MAST2: variants seen among roughly 807,000 people sequenced by gnomAD.
The protein encoded by MAST2 is microtubule-associated serine/threonine-protein kinase 2.
In MAST2, 70 loss-of-function variants were observed where a neutral mutation model predicts 147.4. That is an observed-to-expected ratio of 0.47 (90% CI 0.39 to 0.58). The LOEUF is 0.58. MAST2 is among the 20% of genes least tolerant of loss of function. MAST2 has a pLI of 0.00. For synonymous variants in MAST2, 869 were observed against 896.8 expected (o/e 0.97, Z 0.55); for missense variants, 2,080 against 2,302.3 (o/e 0.90, Z 1.98).
In MAST2 at chr1:46,001,014, A is replaced by G. The variant is rs767754609; in HGVS notation, c.669-1791A>G. ...GGTATAATGGGGAGAGGGGCTGGGA[A>G]ACTGCTATGCATGGCCAGACAATAT... is the stretch of plus-strand genomic sequence containing the variant. On this transcript the variant is annotated intron_variant, in intron 6 of 28. Coordinates refer to ENST00000361297, the MANE Select transcript of MAST2 (RefSeq NM_015112.3). 20 of 1,284,568 alleles carry G rather than the reference A, an allele frequency of 1.6e-5. No homozygotes were observed. In the South Asian group the frequency reaches 2.3e-4, roughly 15 times the overall value. 79.6% of individuals were successfully genotyped at this position (1,284,568 alleles called of 1,614,324 possible). A position where few individuals can be genotyped will look rare whatever the true frequency, so the allele number is the denominator to read the frequency against.
At chr1:45,956,279 TC>T (rs1271996860) in intron 4 of MAST2, among the ~76,000 whole-genome samples, 3 of 152,172 alleles carry the variant, frequency 2.0e-5, no homozygotes, top group African/African-American at 7.2e-5. Flanking sequence ...TGTCAACACT[TC>T]AAACCTGCCA....
intron 3 of MAST2, among the ~76,000 whole-genome samples, chr1:45,852,244 A>C (rs1645645278): frequency 6.6e-6 from 1 of 152,224 alleles, no homozygotes; most frequent in African/African-American, 2.4e-5. Context: ...ATCAACATAC[A>C]GAACCGTACT....
At chr1:45,824,660 C>A in intron 2 of MAST2, 80 bp downstream of exon 2, 1 of 1,400,146 alleles carries the variant, frequency 7.1e-7, no homozygotes, top group Non-Finnish European at 9.6e-7. Context: ...GAATTGGCAT[C>A]TTGACAGTTT....
intron 3 of MAST2, among the ~76,000 whole-genome samples, chr1:45,881,510 G>C (rs1221260629): frequency 6.6e-6 from 1 of 152,174 alleles, no homozygotes. Flanking sequence ...AGGACTGGTG[G>C]GAGGTGGGAC....
chr1:45,849,102 AAC>A (rs956723302), intron 3 of MAST2, among the ~76,000 whole-genome samples: 36 of 152,364 alleles, frequency 2.4e-4, no homozygotes, highest in African/African-American at 8.2e-4. Context: ...CAAATGAAAA[AAC>A]ACACCATGCT....
chr1:45,811,553 A>G (rs1045507631), intron 1 of MAST2, among the ~76,000 whole-genome samples: 4 of 147,226 alleles, frequency 2.7e-5, no homozygotes, highest in African/African-American at 1.0e-4. Context: ...GTTAGTCAGG[A>G]TGGTCTCGAT....
At chr1:45,942,937 A>G (rs1217532240) in intron 4 of MAST2, among the ~76,000 whole-genome samples, 1 of 152,198 alleles carries the variant, frequency 6.6e-6, no homozygotes, top group Non-Finnish European at 1.5e-5. Flanking sequence ...TTAGGATAAC[A>G]TTTCCTGGTC....
chr1:46,002,742 A>T, intron 6 of MAST2, 63 bp from the exon 7 acceptor site: 1 of 1,438,904 alleles, frequency 6.9e-7, no homozygotes, highest in South Asian at 1.1e-5. Flanking sequence ...ATGAACAGAC[A>T]GGCAGGTTGT....
At position 46,031,493 on chromosome 1, in the gene MAST2, C is replaced by T. The variant is rs1205798500; in HGVS notation, c.3095C>T (p.Ser1032Phe). ...AVRRARHRLL[S>F]GDSTEKRTAR... Reference sequence around the variant, plus strand: ...CGTAGGGCCCGCCACCGGCTGCTCTCTGGGGACTCAACAGAGAAGCGCACT... The same window carrying T: ...CGTAGGGCCCGCCACCGGCTGCTCTTTGGGGACTCAACAGAGAAGCGCACT... Residue 1032 changes from serine (S) to phenylalanine (F), a missense_variant, in exon 24 of 29, where the codon TCT becomes TTT. Around this residue, in one of 4 missense-constraint regions of MAST2, gnomAD observed 1,278 missense variants for 1,304.2 expected, o/e 0.98. Coordinates refer to ENST00000361297, the MANE Select transcript of MAST2 (RefSeq NM_015112.3). The surrounding 1 kb of genome is among the most constrained non-coding windows in gnomAD (Gnocchi z 4.1). The T allele has an allele frequency of 1.2e-6, 2 of 1,614,068 alleles. No individual in the cohort carries two copies. The highest frequency in any genetic ancestry group is 1.7e-5 in the Admixed American group (1 of 60,016).
intron 7 of MAST2, among the ~76,000 whole-genome samples, chr1:46,005,169 C>G (rs1645435032): frequency 6.6e-6 from 1 of 152,190 alleles, no homozygotes; most frequent in Admixed American, 6.5e-5. Flanking sequence ...TCCAGACCAG[C>G]CTGACCAACG....
chr1:45,932,377 C>T (rs1570782160), intron 4 of MAST2, among the ~76,000 whole-genome samples: 1 of 152,170 alleles, frequency 6.6e-6, no homozygotes, highest in Non-Finnish European at 1.5e-5. Flanking sequence ...CTTTATTATA[C>T]TGTATAAATT....
intron 4 of MAST2, among the ~76,000 whole-genome samples, chr1:45,884,229 T>G (rs574902264): frequency 2.9e-4 from 44 of 152,108 alleles, no homozygotes; most frequent in African/African-American, 1.1e-3. Context: ...ATTTAAACAA[T>G]TGATCACTCA....
chr1:45,838,522 C>G (rs1028299179), intron 3 of MAST2, among the ~76,000 whole-genome samples: 10 of 152,042 alleles, frequency 6.6e-5, no homozygotes, highest in Non-Finnish European at 1.3e-4. Flanking sequence ...TGCGCCCAGT[C>G]AGCTATTTTT....
chr1:45,914,933 C>T (rs11211223), intron 4 of MAST2, among the ~76,000 whole-genome samples: 50,385 of 151,922 alleles, frequency 0.33, 8,626 homozygotes, highest in African/African-American at 0.41. Flanking sequence ...CTTAAATGGT[C>T]AAAAATCATG....
At chr1:45,983,831 A>G (rs147102848) in intron 5 of MAST2, among the ~76,000 whole-genome samples, 4 of 152,196 alleles carry the variant, frequency 2.6e-5, no homozygotes, top group Non-Finnish European at 5.9e-5. Context: ...TTTTAGTAGT[A>G]TACTCCCTAG....
chr1:46,023,336 G>C lies in MAST2; in HGVS notation c.1571+18G>C. ...GCCTATGGGTAAAGGCAGGGGTCAG[G>C]GTGTGGCCAGGACTGAAGCCGGGTC... On this transcript the variant is annotated intron_variant, in intron 14 of 28. Transcript: ENST00000361297. This position sits in a 1 kb window ranked among gnomAD's most constrained non-coding sequence, Gnocchi z 4.9. 1 of 1,610,108 alleles carries C rather than the reference G, an allele frequency of 6.2e-7. No homozygotes were observed. Among genetic ancestry groups the C allele is most frequent in the South Asian group, 1.1e-5 (1 of 90,956 alleles).
At chr1:45,804,566 C>G (rs1270611475) in intron 1 of MAST2, among the ~76,000 whole-genome samples, 3 of 152,190 alleles carry the variant, frequency 2.0e-5, no homozygotes, top group Admixed American at 2.0e-4. Flanking sequence ...TGTTAAGGCT[C>G]TCTTTACCAA....
chr1:46,032,428 C>T lies in MAST2; in HGVS notation c.3414+24C>T, dbSNP rs1305216120. On this transcript the variant is annotated intron_variant, in intron 25 of 28. Transcript: ENST00000361297. Reference sequence around the variant, plus strand: ...GGGTATGTCTGACCATCCAGACCTGCTGTCTCCCTGCTTCATCATCCTTCC... The same window carrying T: ...GGGTATGTCTGACCATCCAGACCTGTTGTCTCCCTGCTTCATCATCCTTCC... 2.5e-6 allele frequency: 4 copies of T among 1,609,876 alleles called. No homozygotes were observed. The South Asian group carries it at 3.3e-5, about 13-fold the overall frequency.
At chr1:45,936,755 G>A (rs1656261479) in intron 4 of MAST2, among the ~76,000 whole-genome samples, 1 of 152,000 alleles carries the variant, frequency 6.6e-6, no homozygotes, top group Non-Finnish European at 1.5e-5. Flanking sequence ...CCCCAACCCA[G>A]CCACATGGCC....
Sources: gnomAD v4.1 joint callset for allele counts (sites outside exome capture counted in the v4.1 genomes callset) on GRCh38, gnomAD v4.1.1 for gene constraint, gnomAD v4.1.1 regional missense constraint, Gnocchi (gnomAD v3.1) non-coding constraint, MANE v1.5 for transcripts, NCBI Gene and HGNC (gene_info 2026-07-23, HGNC 2026-07-21) for gene names.